Variants in NPTN observed in about 807,000 individuals in gnomAD.
NPTN encodes neuroplastin.
A neutral mutation model predicts 42.7 loss-of-function variants in NPTN; 5 were observed. The ratio of observed to expected loss-of-function variants is 0.12; its 90% CI spans 0.06 to 0.25. The LOEUF is 0.25. Among genes scored for constraint, NPTN ranks in the 10% least tolerant of loss-of-function variants. NPTN has a pLI of 1.00. For synonymous variants in NPTN, 180 were observed against 201.9 expected (o/e 0.89, Z 0.92); for missense variants, 307 against 525.4 (o/e 0.58, Z 4.06).
chr15:73,626,864 A>G (rs1327994585), intron 1 of NPTN, among the ~76,000 whole-genome samples: 1 of 152,184 alleles, frequency 6.6e-6, no homozygotes, highest in Admixed American at 6.5e-5. Context: ...TCTCATTTAT[A>G]TTTCACTGTC....
chr15:73,568,570 T>A (rs919532814), intron 6 of NPTN: 5 of 985,246 alleles, frequency 5.1e-6, no homozygotes, highest in Non-Finnish European at 6.0e-6. Flanking sequence ...GGAGTCCTAA[T>A]ATGTAGCAGG....
intron 2 of NPTN, among the ~76,000 whole-genome samples, chr15:73,592,367 C>T (rs8028749): frequency 0.11 from 16,284 of 152,138 alleles, 1,111 homozygotes; most frequent in African/African-American, 0.19. Context: ...TTGGCCTAGA[C>T]GTGAAAGAAT....
At position 73,633,284 on chromosome 15, in the gene NPTN, G is replaced by T; in HGVS notation, c.-69C>A. On this transcript the variant is annotated 5_prime_UTR_variant, in exon 1 of 9. Transcript: ENST00000345330. ...GCCGGGGCCGGGGAAGGGAGGGGAG[G>T]GAGGGAGGGGGCGGGCGAGTGCGCG... 9.3e-7 allele frequency: 1 copy of T among 1,071,054 alleles called. No individual in the cohort carries two copies. The highest frequency in any genetic ancestry group is 1.3e-6 in the Non-Finnish European group (1 of 768,916). 66.3% of individuals were successfully genotyped at this position (1,071,054 alleles called of 1,614,324 possible). A position where few individuals can be genotyped will look rare whatever the true frequency, so the allele number is the denominator to read the frequency against.
intron 1 of NPTN, among the ~76,000 whole-genome samples, chr15:73,601,562 C>T (rs1243021994): frequency 6.6e-6 from 1 of 152,206 alleles, no homozygotes; most frequent in Non-Finnish European, 1.5e-5. Flanking sequence ...TATGTACCTT[C>T]AACAAGAAAG....
In NPTN at chr15:73,570,156, G is replaced by A. The variant is rs1212804899; in HGVS notation, c.1108C>T (p.Pro370Ser). ...YEKRKRPDEV[P>S]DDDEPAGPMK... Reference sequence around the variant, plus strand: ...TTTGTAGGGATGCTCTTACCGTCAGGAACCTCATCTGGCCTCTTCCTCTTC... The same window carrying A: ...TTTGTAGGGATGCTCTTACCGTCAGAAACCTCATCTGGCCTCTTCCTCTTC... The change falls in exon 6 of 9, where the codon CCT becomes TCT. Residue 370 changes from proline to serine, a missense_variant. Transcript: ENST00000345330. This position sits in a 1 kb window ranked among gnomAD's most constrained non-coding sequence, Gnocchi z 4.0. The A allele has an allele frequency of 1.2e-6, 2 of 1,605,814 alleles. No individual in the cohort carries two copies. The highest frequency in any genetic ancestry group is 1.7e-6 in the Non-Finnish European group (2 of 1,174,146).
At chr15:73,605,860 G>T (rs1897278746) in intron 1 of NPTN, among the ~76,000 whole-genome samples, 1 of 151,994 alleles carries the variant, frequency 6.6e-6, no homozygotes, top group African/African-American at 2.4e-5. Context: ...TCCTCACATG[G>T]ACTCTTAACA....
intron 6 of NPTN, among the ~76,000 whole-genome samples, chr15:73,563,784 G>A (rs1894823190): frequency 6.6e-6 from 1 of 152,212 alleles, no homozygotes; most frequent in African/African-American, 2.4e-5. Context: ...AGAGTCTTTA[G>A]TCTGGAGAAT....
chr15:73,593,656 T>C (rs1366075761), intron 2 of NPTN, among the ~76,000 whole-genome samples: 1 of 152,236 alleles, frequency 6.6e-6, no homozygotes, highest in Non-Finnish European at 1.5e-5. Context: ...TCCTAACCGA[T>C]GTAACATTTC....
In NPTN at chr15:73,569,670, T is replaced by C; in HGVS notation, c.1114+480A>G. ...GTCTGACTGGGCTGGGGCAGTTACC[T>C]ACAGGGGCTACACCAGGCAACCATG... On this transcript the variant is annotated intron_variant, in intron 6 of 8. Transcript: ENST00000345330. The surrounding 1 kb of genome is among the most constrained non-coding windows in gnomAD (Gnocchi z 4.1). The C allele has an allele frequency of 1.0e-6, 1 of 985,444 alleles. No individual in the cohort carries two copies. Among genetic ancestry groups the C allele is most frequent in the African/African-American group, 1.7e-5 (1 of 57,376 alleles). 61.0% of individuals were successfully genotyped at this position (985,444 alleles called of 1,614,324 possible). A position where few individuals can be genotyped will look rare whatever the true frequency, so the allele number is the denominator to read the frequency against.
At chr15:73,608,194 C>T (rs1022700135) in intron 1 of NPTN, among the ~76,000 whole-genome samples, 19 of 152,166 alleles carry the variant, frequency 1.2e-4, no homozygotes, top group African/African-American at 4.6e-4. Flanking sequence ...TATTGAGGTC[C>T]TGTTTACCAA....
chr15:73,561,105 C>T (rs1267830138), intron 8 of NPTN, 57 bp from the exon 9 acceptor site: 2 of 152,398 alleles, frequency 1.3e-5, no homozygotes, highest in African/African-American at 2.4e-5. Flanking sequence ...TCACTCACAA[C>T]TACACCGTGT....
Position 73,574,039 on chromosome 15 carries a change from A to C in NPTN, c.707-244T>G, listed in dbSNP as rs575391767. On this transcript the variant is annotated intron_variant, in intron 4 of 8. Coordinates refer to ENST00000345330, the MANE Select transcript of NPTN (RefSeq NM_012428.4). ...GGTTACTAATATATGAGGCTCTACT[A>C]ATGTAGGTGATTCTCCAACCTACTG... Among the ~76,000 whole-genome samples the C allele has an allele frequency of 4.6e-5, 7 of 152,336 alleles. No individual in the cohort carries two copies. The East Asian group carries it at 1.4e-3, about 29-fold the overall frequency.
At chr15:73,631,161 G>C (rs1431600087) in intron 1 of NPTN, among the ~76,000 whole-genome samples, 1 of 152,170 alleles carries the variant, frequency 6.6e-6, no homozygotes, top group Non-Finnish European at 1.5e-5. Flanking sequence ...TTGGAAAAAA[G>C]CTAAGCCAGC....
At chr15:73,583,829 TG>T (rs1896181841) in intron 4 of NPTN, among the ~76,000 whole-genome samples, 1 of 152,174 alleles carries the variant, frequency 6.6e-6, no homozygotes, top group African/African-American at 2.4e-5. Context: ...GGAGATGCTG[TG>T]CATGCTGAAA....
At chr15:73,586,359 CA>C (rs1896319311) in intron 4 of NPTN, among the ~76,000 whole-genome samples, 2 of 152,100 alleles carry the variant, frequency 1.3e-5, no homozygotes, top group South Asian at 4.1e-4. Context: ...AAGGTTTCTC[CA>C]AGAAAAGCCA....
intron 4 of NPTN, among the ~76,000 whole-genome samples, chr15:73,579,631 AG>A (rs1240634475): frequency 2.6e-5 from 4 of 152,140 alleles, no homozygotes; most frequent in African/African-American, 7.2e-5. Context: ...GAAGGGGGCT[AG>A]GAACAGTCTT....
At chr15:73,579,142 G>A (rs1392947328) in intron 4 of NPTN, among the ~76,000 whole-genome samples, 6 of 150,120 alleles carry the variant, frequency 4.0e-5, no homozygotes, top group Non-Finnish European at 5.9e-5. Context: ...AGCCAGGCAC[G>A]GTGGCGGGAG....
chr15:73,562,835 G>C (rs568284825), intron 7 of NPTN, among the ~76,000 whole-genome samples: 9 of 152,114 alleles, frequency 5.9e-5, no homozygotes, highest in Non-Finnish European at 1.3e-4. Context: ...CACAATATGA[G>C]TGCATAAAAA....
chr15:73,601,254 A>C (rs1226201212), intron 1 of NPTN, among the ~76,000 whole-genome samples: 2 of 152,066 alleles, frequency 1.3e-5, no homozygotes, highest in African/African-American at 4.8e-5. Flanking sequence ...TAAACAAACT[A>C]AGGAATTCCT....
Sources: gnomAD v4.1 joint callset for allele counts (sites outside exome capture counted in the v4.1 genomes callset) on GRCh38, gnomAD v4.1.1 for gene constraint, Gnocchi (gnomAD v3.1) non-coding constraint, MANE v1.5 for transcripts, NCBI Gene and HGNC (gene_info 2026-07-23, HGNC 2026-07-21) for gene names.